TOP1: variants seen among roughly 807,000 people sequenced by gnomAD.
TOP1 encodes the protein DNA topoisomerase 1.
In TOP1, 10 loss-of-function variants were observed where a neutral mutation model predicts 111.1. That is an observed-to-expected ratio of 0.09 (90% CI 0.06 to 0.15). The LOEUF (loss-of-function observed/expected upper bound fraction) is 0.15. TOP1 is among the 10% of genes least tolerant of loss of function. TOP1 has a pLI of 1.00. For missense variants in TOP1, 474 were observed against 926.7 expected (o/e 0.51, Z 6.34); for synonymous variants, 271 against 302.9 (o/e 0.89, Z 1.10).
At chr20:41,056,684 G>A (rs745878508) in intron 2 of TOP1, among the ~76,000 whole-genome samples, 20 of 152,140 alleles carry the variant, frequency 1.3e-4, no homozygotes, top group Non-Finnish European at 7.3e-5. Flanking sequence ...GTCTTGCTAT[G>A]TTGCCCAGGC....
chr20:41,061,184 A>G lies in TOP1; in HGVS notation c.59-210A>G, dbSNP rs760807683. ...TGGCTCTCATTTCCTTATCCTCCCC[A>G]TATTAGTAACTTGTCTTGATTGTAG... On this transcript the variant is annotated intron_variant, in intron 2 of 20. Transcript: ENST00000361337. The surrounding 1 kb of genome is among the most constrained non-coding windows in gnomAD (Gnocchi z 4.6). Among the ~76,000 whole-genome samples, 20 of 152,154 alleles carry G rather than the reference A, an allele frequency of 1.3e-4. No homozygotes were observed. The highest frequency in any genetic ancestry group is 9.8e-4 in the Admixed American group (15 of 15,274).
Position 41,092,428 on chromosome 20 carries a change from A to T in TOP1, c.615-44A>T. The T allele has an allele frequency of 1.1e-6, 1 of 942,328 alleles. No homozygotes were observed. The highest frequency in any genetic ancestry group is 1.6e-6 in the Non-Finnish European group (1 of 617,226). 58.4% of individuals were successfully genotyped at this position (942,328 alleles called of 1,614,324 possible). On this transcript the variant is annotated intron_variant, in intron 8 of 20. Coordinates refer to ENST00000361337, the MANE Select transcript of TOP1 (RefSeq NM_003286.4). The surrounding 1 kb of genome is among the most constrained non-coding windows in gnomAD (Gnocchi z 4.3). ...TTTAATCAGTGATGATCCCCATGTT[A>T]GACAAGGCGATCACTAAATGAGGCT...
At chr20:41,045,369 T>G (rs1050278624) in intron 2 of TOP1, among the ~76,000 whole-genome samples, 3 of 152,158 alleles carry the variant, frequency 2.0e-5, no homozygotes, top group African/African-American at 7.2e-5. Flanking sequence ...TACATTGTTT[T>G]ATCCTGACTG....
chr20:41,095,296 A>C lies in TOP1; in HGVS notation c.731-1924A>C, dbSNP rs1400427871. Among the ~76,000 whole-genome samples, 1 of 152,116 alleles carries C rather than the reference A, an allele frequency of 6.6e-6. No individual in the cohort carries two copies. On this transcript the variant is annotated intron_variant, in intron 9 of 20. Transcript: ENST00000361337. The surrounding 1 kb of genome is among the most constrained non-coding windows in gnomAD (Gnocchi z 4.6). ...ACTCCTGACCTGAAGTGATCCTTGC[A>C]CCGCCTCCTAAAGTGCTGGGATTAC...
At chr20:41,086,118 C>T (rs996884374) in intron 8 of TOP1, among the ~76,000 whole-genome samples, 40 of 152,162 alleles carry the variant, frequency 2.6e-4, no homozygotes, top group African/African-American at 8.9e-4. Context: ...CAAAAATTAG[C>T]CGGGCGTGGT....
At chr20:41,050,304 C>T (rs1250187472) in intron 2 of TOP1, among the ~76,000 whole-genome samples, 1 of 152,234 alleles carries the variant, frequency 6.6e-6, no homozygotes, top group African/African-American at 2.4e-5. Context: ...AGGCATGAGC[C>T]ACTGCTCCCA....
At chr20:41,039,006 AATC>A (rs1324358691) in intron 2 of TOP1, among the ~76,000 whole-genome samples, 1 of 152,184 alleles carries the variant, frequency 6.6e-6, no homozygotes, top group African/African-American at 2.4e-5. Context: ...AAAAAAAAAA[AATC>A]ATCATCATCT....
intron 2 of TOP1, among the ~76,000 whole-genome samples, chr20:41,043,716 G>T (rs2033296633): frequency 6.6e-6 from 1 of 152,180 alleles, no homozygotes; most frequent in Non-Finnish European, 1.5e-5. Context: ...AACAAAGGCA[G>T]TTTAGGCTGA....
intron 2 of TOP1, among the ~76,000 whole-genome samples, chr20:41,039,190 A>G (rs552231651): frequency 6.6e-6 from 1 of 152,312 alleles, no homozygotes; most frequent in East Asian, 1.9e-4. Flanking sequence ...GATGAACAAG[A>G]CAAACCCACA....
At chr20:41,047,556 A>C (rs769229322) in intron 2 of TOP1, among the ~76,000 whole-genome samples, 2 of 152,252 alleles carry the variant, frequency 1.3e-5, no homozygotes, top group Non-Finnish European at 2.9e-5. Flanking sequence ...GGAGAGTATT[A>C]CTTCATGACA....
rs2033102226 is a variant in TOP1 at position 41,030,316 on chromosome 20, T to C, written c.58+861T>C. Among the ~76,000 whole-genome samples the C allele has an allele frequency of 6.6e-6, 1 of 152,236 alleles. No homozygotes were observed. Among genetic ancestry groups the C allele is most frequent in the African/African-American group, 2.4e-5 (1 of 41,462 alleles). On this transcript the variant is annotated intron_variant, in intron 2 of 20. Transcript: ENST00000361337. This position sits in a 1 kb window ranked among gnomAD's most constrained non-coding sequence, Gnocchi z 4.1. ...GTGTACTTGTTGGAAGGAAAGATTGTTGAGCATCTCTTGTGGACCTGGTGT... is the reference window on the plus strand; with the variant it reads ...GTGTACTTGTTGGAAGGAAAGATTGCTGAGCATCTCTTGTGGACCTGGTGT...
rs59200685 is a variant in TOP1, at chr20:41,089,020, C to CTTTTTTTTTTTTTTTTT, written c.615-3446_615-3430dup. Among the ~76,000 whole-genome samples, 432 of 77,890 alleles carry CTTTTTTTTTTTTTTTTT rather than the reference C, an allele frequency of 5.5e-3. 82 individuals carry two copies. Among genetic ancestry groups the CTTTTTTTTTTTTTTTTT allele is most frequent in the East Asian group, 0.029 (47 of 1,606 alleles). The allele number at this position is 77,890 out of a possible 152,430, so 51.1% of individuals were successfully genotyped here. On this transcript the variant is annotated intron_variant, in intron 8 of 20. Transcript: ENST00000361337. Reference sequence around the variant, plus strand: ...TCCCCACTTCTCTGTTGCCCCAGTTCTTTTTTTTTTTTTTTTTTTTTTGAG... The same window carrying CTTTTTTTTTTTTTTTTT: ...TCCCCACTTCTCTGTTGCCCCAGTTCTTTTTTTTTTTTTTTTTTTTTTTTTTTTTTTTTTTTTTTGAG...
chr20:41,101,398 C>A lies in TOP1; in HGVS notation c.1308+45C>A, dbSNP rs1391502417. The A allele has an allele frequency of 3.2e-6, 5 of 1,574,728 alleles. No homozygotes were observed. Among genetic ancestry groups the A allele is most frequent in the Non-Finnish European group, 4.3e-6 (5 of 1,154,144 alleles). ...CTGCACTGGTTCATGGTGCTGATAACCTTTTTTTGTTGAAATGTAACGTTC... is the reference window on the plus strand; with the variant it reads ...CTGCACTGGTTCATGGTGCTGATAAACTTTTTTTGTTGAAATGTAACGTTC... On this transcript the variant is annotated intron_variant, in intron 13 of 20. Transcript: ENST00000361337. This position sits in a 1 kb window ranked among gnomAD's most constrained non-coding sequence, Gnocchi z 4.1.
At position 41,028,880 on chromosome 20, in the gene TOP1, C is replaced by T. The variant is rs1422222587; in HGVS notation, c.-188C>T. On this transcript the variant is annotated 5_prime_UTR_variant, in exon 1 of 21. Transcript: ENST00000361337. Reference sequence around the variant, plus strand: ...GGGTCTGTTCTCGCCGCCCGCCCGGCAGTCAGGCAGCGTCGCCGCCGTGGT... The same window carrying T: ...GGGTCTGTTCTCGCCGCCCGCCCGGTAGTCAGGCAGCGTCGCCGCCGTGGT... 42 of 562,316 alleles carry T rather than the reference C, an allele frequency of 7.5e-5. No homozygotes were observed. The East Asian group carries it at 1.4e-3, about 19-fold the overall frequency. The allele number at this position is 562,316 out of a possible 1,614,324, so 34.8% of individuals were successfully genotyped here.
chr20:41,066,860 G>A (rs2033615141), intron 3 of TOP1, among the ~76,000 whole-genome samples: 1 of 151,862 alleles, frequency 6.6e-6, no homozygotes, highest in African/African-American at 2.4e-5. Context: ...GGCCACTTCT[G>A]TGCCTTTTAA....
intron 2 of TOP1, among the ~76,000 whole-genome samples, chr20:41,042,773 C>A (rs908368981): frequency 6.6e-6 from 1 of 152,112 alleles, no homozygotes; most frequent in Non-Finnish European, 1.5e-5. Context: ...TTACTGATAA[C>A]AGAAACAGTC....
chr20:41,050,676 C>T (rs990711932), intron 2 of TOP1, among the ~76,000 whole-genome samples: 1 of 152,164 alleles, frequency 6.6e-6, no homozygotes, highest in Admixed American at 6.5e-5. Flanking sequence ...TGTTTTTACT[C>T]CTCAACCATT....
rs1232000444 is a variant in TOP1, at chr20:41,112,107, A to G, written c.1309-675A>G. 2.0e-5 allele frequency among the ~76,000 whole-genome samples: 3 copies of G among 152,218 alleles called. No individual in the cohort carries two copies. Among genetic ancestry groups the G allele is most frequent in the Admixed American group, 1.3e-4 (2 of 15,278 alleles). ...CTCATCAAGAAATGCTTTTAAATGC[A>G]GAAGTTAGAAAATGGTGAATAATTA... On this transcript the variant is annotated intron_variant, in intron 13 of 20. Transcript: ENST00000361337. The surrounding 1 kb of genome is among the most constrained non-coding windows in gnomAD (Gnocchi z 5.8).
chr20:41,113,879 C>CAAAAA (rs552197714), intron 14 of TOP1, 91 bp from the exon 15 acceptor site: 52 of 662,132 alleles, frequency 7.9e-5, no homozygotes, highest in East Asian at 5.2e-4. Context: ...GAGACTGTCT[C>CAAAAA]AAAAAAAAAA....
Sources: allele counts gnomAD v4.1 joint callset (sites outside exome capture counted in the v4.1 genomes callset), GRCh38; gene constraint gnomAD v4.1.1; non-coding constraint Gnocchi (gnomAD v3.1); transcripts MANE v1.5; gene names NCBI Gene and HGNC (gene_info 2026-07-23, HGNC 2026-07-21).